Variants in IL1R1 observed in about 807,000 individuals in gnomAD.
The protein encoded by IL1R1 is interleukin-1 receptor type 1.
IL1R1 carries 22 observed loss-of-function variants against 50.2 expected under a neutral mutation model. The ratio of observed to expected loss-of-function variants is 0.44; its 90% CI spans 0.31 to 0.63. The LOEUF is 0.63. IL1R1 is among the 20% of genes least tolerant of loss of function. The pLI, the probability that IL1R1 is intolerant of heterozygous loss-of-function variation, is 0.07. For missense variants in IL1R1, 509 were observed against 676.2 expected (o/e 0.75, Z 2.74); for synonymous variants, 251 against 236.7 (o/e 1.06, Z -0.55).
chr2:102,108,551 C>A (rs1680557233), intron 1 of IL1R1, among the ~76,000 whole-genome samples: 2 of 151,880 alleles, frequency 1.3e-5, no homozygotes. Flanking sequence ...ATCAATGTTT[C>A]TCAAATGAGT....
chr2:102,072,759 A>T (rs1368002846), intron 1 of IL1R1, among the ~76,000 whole-genome samples: 1 of 152,170 alleles, frequency 6.6e-6, no homozygotes, highest in African/African-American at 2.4e-5. Context: ...TGATTTGCCA[A>T]ACTTAGTTTT....
intron 1 of IL1R1, among the ~76,000 whole-genome samples, chr2:102,089,702 A>G (rs1290954979): frequency 6.6e-6 from 1 of 152,166 alleles, no homozygotes; most frequent in Non-Finnish European, 1.5e-5. Flanking sequence ...CACTGTTTCT[A>G]TCAAGGAGGC....
intron 1 of IL1R1, among the ~76,000 whole-genome samples, chr2:102,119,343 A>G (rs368490429): frequency 6.6e-6 from 1 of 152,338 alleles, no homozygotes; most frequent in East Asian, 1.9e-4. Flanking sequence ...ATGGAAACCA[A>G]ATTGTTCTTC....
At chr2:102,102,400 C>T (rs1680180631), upstream of IL1R1, among the ~76,000 whole-genome samples, 2 of 152,154 alleles carry the variant, frequency 1.3e-5, no homozygotes, top group African/African-American at 2.4e-5. Flanking sequence ...TCAGTTTTCT[C>T]ACCTGTAAAA....
At chr2:102,144,789 G>C (rs924274797) in intron 1 of IL1R1, among the ~76,000 whole-genome samples, 1 of 152,212 alleles carries the variant, frequency 6.6e-6, no homozygotes, top group Admixed American at 6.5e-5. Flanking sequence ...CCCCAATGGA[G>C]AGGACGAGGA....
intron 1 of IL1R1, among the ~76,000 whole-genome samples, chr2:102,133,263 T>A (rs1280002469): frequency 1.0e-4 from 12 of 114,372 alleles, no homozygotes; most frequent in African/African-American, 2.9e-4. Flanking sequence ...AAAAAAAAAA[T>A]CTTCCCACAA....
intron 1 of IL1R1, among the ~76,000 whole-genome samples, chr2:102,112,984 C>T (rs1680860553): frequency 6.6e-6 from 1 of 152,210 alleles, no homozygotes; most frequent in Admixed American, 6.5e-5. Context: ...GAGAAGTCAG[C>T]TGTCTGCAAA....
At chr2:102,126,802 G>T (rs1408108446) in intron 1 of IL1R1, among the ~76,000 whole-genome samples, 1 of 152,162 alleles carries the variant, frequency 6.6e-6, no homozygotes, top group Non-Finnish European at 1.5e-5. Context: ...TGTCCAAGAG[G>T]CTGCACAGCT....
At chr2:102,073,641 A>C (rs1678835822) in intron 1 of IL1R1, among the ~76,000 whole-genome samples, 1 of 152,178 alleles carries the variant, frequency 6.6e-6, no homozygotes. Context: ...TAAACCTCTG[A>C]GTACCTGAGA....
chr2:102,096,091 T>C (rs1470132783), intron 1 of IL1R1, among the ~76,000 whole-genome samples: 1 of 152,244 alleles, frequency 6.6e-6, no homozygotes, highest in East Asian at 1.9e-4. Flanking sequence ...CCTGTCAATA[T>C]ATGTAGCACA....
intron 1 of IL1R1, among the ~76,000 whole-genome samples, chr2:102,097,440 C>T (rs1679953087): frequency 6.6e-6 from 1 of 152,082 alleles, no homozygotes; most frequent in South Asian, 2.1e-4. Context: ...TATATCCTTG[C>T]AATAATCTCT....
chr2:102,102,644 C>T (rs72996520), upstream of IL1R1, among the ~76,000 whole-genome samples: 43,425 of 151,686 alleles, frequency 0.29, 7,188 homozygotes, highest in Non-Finnish European at 0.36. Context: ...TTGACTCAGC[C>T]ATCCCATTGT....
chr2:102,137,217 G>A lies in IL1R1; in HGVS notation c.-83-16724G>A, dbSNP rs188947907. On this transcript the variant is annotated intron_variant, in intron 1 of 10. Transcript: ENST00000409329. Reference sequence around the variant, plus strand: ...ACTGAAGTTATACGGTACAAGATAAGCCATGGAGAACTGTGACACATTCCT... The same window carrying A: ...ACTGAAGTTATACGGTACAAGATAAACCATGGAGAACTGTGACACATTCCT... Among the ~76,000 whole-genome samples the A allele has an allele frequency of 2.0e-5, 3 of 152,284 alleles. No individual in the cohort carries two copies. In the East Asian group the frequency reaches 5.8e-4, roughly 29 times the overall value.
At chr2:102,155,862 A>G (rs530506196) in intron 2 of IL1R1, among the ~76,000 whole-genome samples, 5 of 152,316 alleles carry the variant, frequency 3.3e-5, no homozygotes, top group Admixed American at 3.3e-4. Flanking sequence ...GGTACAGGCC[A>G]CCGGCCCTGG....
At chr2:102,072,766 T>G (rs1406180199) in intron 1 of IL1R1, among the ~76,000 whole-genome samples, 1 of 151,742 alleles carries the variant, frequency 6.6e-6, no homozygotes, top group African/African-American at 2.4e-5. Flanking sequence ...CCAAACTTAG[T>G]TTTTTTTTCC....
intron 1 of IL1R1, among the ~76,000 whole-genome samples, chr2:102,111,346 A>G (rs1373251559): frequency 2.6e-5 from 4 of 152,190 alleles, no homozygotes; most frequent in Non-Finnish European, 4.4e-5. Context: ...TGCTGCACAT[A>G]GGGCTGGCGA....
intron 1 of IL1R1, among the ~76,000 whole-genome samples, chr2:102,087,226 C>A (rs1679467667): frequency 6.6e-6 from 1 of 152,170 alleles, no homozygotes; most frequent in Non-Finnish European, 1.5e-5. Flanking sequence ...AGTGGGAGGT[C>A]TACCCTTGAT....
In IL1R1 at chr2:102,089,711, G is replaced by A. The variant is rs116614490; in HGVS notation, c.-84+19178G>A. On this transcript the variant is annotated intron_variant, in intron 1 of 11. Transcript: ENST00000409929. ...AGTTTTCACTGTTTCTATCAAGGAG[G>A]CAGTTGTAAGTCTTCCTCTGAATGC... Among the ~76,000 whole-genome samples, 466 of 152,220 alleles carry A rather than the reference G, an allele frequency of 3.1e-3. 2 individuals are homozygous for A. The highest frequency in any genetic ancestry group is 0.011 in the African/African-American group (438 of 41,502).
chr2:102,100,315 C>A (rs1680086094), upstream of IL1R1, among the ~76,000 whole-genome samples: 1 of 152,200 alleles, frequency 6.6e-6, no homozygotes, highest in East Asian at 1.9e-4. Context: ...CCATGCCCAG[C>A]CTGGCTGCCT....
Sources: allele counts gnomAD v4.1 joint callset (sites outside exome capture counted in the v4.1 genomes callset), GRCh38; gene constraint gnomAD v4.1.1; transcripts MANE v1.5; gene names NCBI Gene and HGNC (gene_info 2026-07-23, HGNC 2026-07-21).